CTNNA1: variants seen among roughly 807,000 people sequenced by gnomAD.
CTNNA1 encodes the protein catenin alpha 1.
In CTNNA1, 37 loss-of-function variants were observed where a neutral mutation model predicts 98.4. The ratio of observed to expected loss-of-function variants is 0.38; its 90% CI spans 0.29 to 0.49. The LOEUF is 0.49. Ranked by LOEUF, CTNNA1 falls within the 20% of genes least tolerant of loss-of-function variation. The probability of loss-of-function intolerance (pLI) is 0.95; values close to 1 mark genes in which losing one functional copy is unlikely to be tolerated. For synonymous variants in CTNNA1, 404 were observed against 413.2 expected (o/e 0.98, Z 0.27); for missense variants, 761 against 1,147.2 (o/e 0.66, Z 4.86).
At chr5:138,884,966 T>G (rs1034049130) in intron 7 of CTNNA1, among the ~76,000 whole-genome samples, 1 of 152,182 alleles carries the variant, frequency 6.6e-6, no homozygotes, top group Non-Finnish European at 1.5e-5. Context: ...GGGAAAGGCT[T>G]AAGGAATGAG....
intron 3 of CTNNA1, among the ~76,000 whole-genome samples, chr5:138,801,462 A>G (rs1289205826): frequency 6.6e-6 from 1 of 152,218 alleles, no homozygotes; most frequent in Admixed American, 6.5e-5. Flanking sequence ...AATCTCTGAA[A>G]CAATTTTCAA....
At chr5:138,821,806 C>T (rs892686776) in intron 5 of CTNNA1, among the ~76,000 whole-genome samples, 2 of 152,146 alleles carry the variant, frequency 1.3e-5, no homozygotes, top group Admixed American at 6.6e-5. Flanking sequence ...GACCAAGAGA[C>T]TCTAGTTTTG....
chr5:138,831,375 G>A (rs1267864240), intron 7 of CTNNA1, among the ~76,000 whole-genome samples: 2 of 152,194 alleles, frequency 1.3e-5, no homozygotes, highest in Non-Finnish European at 1.5e-5. Flanking sequence ...GTTGATTCCA[G>A]TGTGCAACTA....
At chr5:138,888,926 C>T (rs1211554466) in intron 9 of CTNNA1, among the ~76,000 whole-genome samples, 1 of 152,176 alleles carries the variant, frequency 6.6e-6, no homozygotes, top group African/African-American at 2.4e-5. Flanking sequence ...TTTCTTTGAA[C>T]ATTAAGTGTT....
rs1161284269 is a variant in CTNNA1, at chr5:138,934,322, T to C, written c.*233T>C. ...TATTTTTTGTATGCTTAAATAAAAATAAAAATTCATAACCAAAGAGAATCC... is the reference window on the plus strand; with the variant it reads ...TATTTTTTGTATGCTTAAATAAAAACAAAAATTCATAACCAAAGAGAATCC... On this transcript the variant is annotated 3_prime_UTR_variant, in exon 18 of 18. Transcript: ENST00000302763. 6 of 508,592 alleles carry C rather than the reference T, an allele frequency of 1.2e-5. No homozygotes were observed. The highest frequency in any genetic ancestry group is 2.1e-5 in the Non-Finnish European group (6 of 288,952). The allele number at this position is 508,592 out of a possible 1,614,324, so 31.5% of individuals were successfully genotyped here.
rs745811185 is a variant in CTNNA1 at position 138,902,193 on chromosome 5, C to G, written c.1297-2156C>G. ...CCATTTCAGCCTTAGCCACACACTA[C>G]CCTCATGTGTCTGATGTAGAGAGTA... On this transcript the variant is annotated intron_variant, in intron 9 of 17. Transcript: ENST00000302763. Among the ~76,000 whole-genome samples, 21 of 152,204 alleles carry G rather than the reference C, an allele frequency of 1.4e-4. 1 individual carries two copies. The highest frequency in any genetic ancestry group is 2.5e-4 in the Non-Finnish European group (17 of 68,044).
chr5:138,887,684 T>A (rs746928198), intron 9 of CTNNA1, 42 bp downstream of exon 9: 1 of 1,551,894 alleles, frequency 6.4e-7, no homozygotes, highest in East Asian at 2.3e-5. Flanking sequence ...GGCAACTTGG[T>A]GAAGTGTGGT....
At chr5:138,783,072 A>G (rs1755307173) in intron 2 of CTNNA1, 105 bp from the exon 3 acceptor site, 2 of 819,316 alleles carry the variant, frequency 2.4e-6, no homozygotes, top group East Asian at 5.4e-5. Flanking sequence ...GTTCAGTGGA[A>G]TCTCATGTGA....
chr5:138,773,161 G>A lies in CTNNA1; in HGVS notation c.-2-8762G>A, dbSNP rs969579185. 2.0e-5 allele frequency among the ~76,000 whole-genome samples: 3 copies of A among 152,286 alleles called. No individual in the cohort carries two copies. The South Asian group carries it at 6.2e-4, about 32-fold the overall frequency. ...ACTAAAAACATGCCTTGGCTCTGTA[G>A]CATCATTTCATGATGTTCAGCGTCA... On this transcript the variant is annotated intron_variant, in intron 1 of 17. Coordinates refer to ENST00000302763, the MANE Select transcript of CTNNA1 (RefSeq NM_001903.5).
intron 6 of CTNNA1, 32 bp downstream of exon 6, chr5:138,824,831 C>G: frequency 6.3e-7 from 1 of 1,598,002 alleles, no homozygotes; most frequent in Non-Finnish European, 8.6e-7. Context: ...ATTTCCAGCT[C>G]TTGACCATCC....
chr5:138,814,015 G>A (rs1759138902), intron 5 of CTNNA1, among the ~76,000 whole-genome samples: 1 of 152,212 alleles, frequency 6.6e-6, no homozygotes, highest in South Asian at 2.1e-4. Flanking sequence ...ATGCCATAGG[G>A]TTGAGAGGAT....
At chr5:138,892,530 G>A (rs1299674986) in intron 9 of CTNNA1, among the ~76,000 whole-genome samples, 1 of 151,354 alleles carries the variant, frequency 6.6e-6, no homozygotes, top group South Asian at 2.1e-4. Flanking sequence ...AAGAGATGGA[G>A]TTTCAGCATG....
At chr5:138,820,677 G>A (rs965153615) in intron 5 of CTNNA1, among the ~76,000 whole-genome samples, 1 of 152,040 alleles carries the variant, frequency 6.6e-6, no homozygotes, top group African/African-American at 2.4e-5. Context: ...CCTCTGATGC[G>A]CTTTGGCACT....
intron 10 of CTNNA1, among the ~76,000 whole-genome samples, chr5:138,912,889 C>T (rs774992066): frequency 4.6e-5 from 7 of 151,986 alleles, no homozygotes; most frequent in Non-Finnish European, 1.0e-4. Flanking sequence ...ATTGATTTAC[C>T]TAATACTGTA....
At chr5:138,901,197 G>T (rs553813243) in intron 9 of CTNNA1, among the ~76,000 whole-genome samples, 5 of 151,816 alleles carry the variant, frequency 3.3e-5, no homozygotes, top group Non-Finnish European at 7.4e-5. Context: ...TCGCTCTGTT[G>T]TCCAGGCTGG....
intron 7 of CTNNA1, among the ~76,000 whole-genome samples, chr5:138,840,686 T>C (rs1197422170): frequency 1.3e-5 from 2 of 152,202 alleles, no homozygotes; most frequent in African/African-American, 2.4e-5. Flanking sequence ...AACTAAAAGC[T>C]TATCAATCAT....
intron 1 of CTNNA1, among the ~76,000 whole-genome samples, chr5:138,767,211 A>AT (rs1341815818): frequency 6.6e-6 from 1 of 151,660 alleles, no homozygotes; most frequent in Admixed American, 6.6e-5. Flanking sequence ...AATTTTTTGT[A>AT]TTTTTTAGTA....
chr5:138,784,694 A>G (rs1464292146), intron 3 of CTNNA1, among the ~76,000 whole-genome samples: 2 of 152,228 alleles, frequency 1.3e-5, no homozygotes, highest in East Asian at 3.8e-4. Flanking sequence ...GAAATCTGAA[A>G]TCAAGGTGTT....
chr5:138,857,539 AC>A (rs2149870205), intron 7 of CTNNA1, among the ~76,000 whole-genome samples: 1 of 152,004 alleles, frequency 6.6e-6, no homozygotes, highest in African/African-American at 2.4e-5. Flanking sequence ...GTGGTCTCCA[AC>A]TCCTGGCCTC....
Sources: allele counts gnomAD v4.1 joint callset (sites outside exome capture counted in the v4.1 genomes callset), GRCh38; gene constraint gnomAD v4.1.1; transcripts MANE v1.5; gene names NCBI Gene and HGNC (gene_info 2026-07-23, HGNC 2026-07-21).